PDE4D: variants seen among roughly 807,000 people sequenced by gnomAD.
The protein encoded by PDE4D is 3',5'-cyclic-AMP phosphodiesterase 4D.
In PDE4D, 24 loss-of-function variants were observed where a neutral mutation model predicts 87.4. The observed-to-expected ratio is 0.27, with a 90% CI of 0.20 to 0.39. The LOEUF (loss-of-function observed/expected upper bound fraction) is 0.39. Among genes scored for constraint, PDE4D ranks in the 10% least tolerant of loss-of-function variants. The pLI is 1.00. For synonymous variants in PDE4D, 384 were observed against 383.2 expected (o/e 1.00, Z -0.02); for missense variants, 714 against 1,041.0 (o/e 0.69, Z 4.32).
Position 60,099,450 on chromosome 5 carries a change from C to T in PDE4D, c.42+86107G>A, listed in dbSNP as rs140050630. 5.3e-5 allele frequency among the ~76,000 whole-genome samples: 8 copies of T among 151,256 alleles called. No homozygotes were observed. The East Asian group carries it at 1.4e-3, about 26-fold the overall frequency. On this transcript the variant is annotated intron_variant, in intron 2 of 16. Transcript: ENST00000502484. ...AAACATTTGCATGGTAAAAATTCAC[C>T]ATAAGTTAAGGCAAATGATAAATGT...
In PDE4D at chr5:59,927,667, C is replaced by T. The variant is rs1191758576; in HGVS notation, c.272+60821G>A. 2.0e-5 allele frequency among the ~76,000 whole-genome samples: 3 copies of T among 152,184 alleles called. 1 individual carries two copies. Among genetic ancestry groups the T allele is most frequent in the South Asian group, 4.1e-4 (2 of 4,822 alleles). ...GCAGGTGCTAATTAGTACGAAGGCA[C>T]ATAAATCTAGAGAGGAAGGTAAATG... On this transcript the variant is annotated intron_variant, in intron 3 of 16. Transcript: ENST00000502484.
At chr5:59,613,642 C>G (rs1829281856) in intron 1 of PDE4D, among the ~76,000 whole-genome samples, 1 of 152,130 alleles carries the variant, frequency 6.6e-6, no homozygotes, top group Non-Finnish European at 1.5e-5. Context: ...CCTTGAGACC[C>G]TGGGGAAGAG....
intron 3 of PDE4D, 91 bp downstream of exon 3, chr5:59,193,409 A>AAAATT (rs1201316663): frequency 1.7e-6 from 2 of 1,177,580 alleles, no homozygotes; most frequent in Non-Finnish European, 2.5e-6. Context: ...TGCTTGATTT[A>AAAATT]AAATTAAATT....
intron 2 of PDE4D, among the ~76,000 whole-genome samples, chr5:59,997,423 C>T (rs1763615353): frequency 6.6e-6 from 1 of 152,132 alleles, no homozygotes; most frequent in Non-Finnish European, 1.5e-5. Flanking sequence ...TGTCTTCATT[C>T]TCAAGTTTTA....
chr5:59,428,356 G>A (rs1323292784), intron 1 of PDE4D, among the ~76,000 whole-genome samples: 1 of 151,494 alleles, frequency 6.6e-6, no homozygotes, highest in African/African-American at 2.4e-5. Flanking sequence ...CTGCTTCTTT[G>A]GGTAGGCTGA....
intron 1 of PDE4D, among the ~76,000 whole-genome samples, chr5:59,747,191 C>A (rs1759737623): frequency 6.6e-6 from 1 of 152,150 alleles, no homozygotes; most frequent in Non-Finnish European, 1.5e-5. Context: ...TTCTCTCTTT[C>A]TAGCTCATCC....
At chr5:59,555,951 AATTT>A (rs1347969625) in intron 1 of PDE4D, among the ~76,000 whole-genome samples, 1 of 152,076 alleles carries the variant, frequency 6.6e-6, no homozygotes, top group Non-Finnish European at 1.5e-5. Context: ...TGGTCACCTC[AATTT>A]ATTTGCTGGA....
At chr5:59,737,711 A>G (rs1758270201) in intron 1 of PDE4D, among the ~76,000 whole-genome samples, 2 of 152,098 alleles carry the variant, frequency 1.3e-5, no homozygotes, top group Admixed American at 6.5e-5. Context: ...TGAATGTTTA[A>G]TATTATTTTT....
At chr5:60,107,280 C>T (rs1169342579) in intron 2 of PDE4D, among the ~76,000 whole-genome samples, 1 of 152,046 alleles carries the variant, frequency 6.6e-6, no homozygotes, top group African/African-American at 2.4e-5. Flanking sequence ...AATTCCTGGA[C>T]ACACACACTC....
intron 1 of PDE4D, among the ~76,000 whole-genome samples, chr5:59,771,431 GAAAA>G (rs1169720007): frequency 2.4e-5 from 2 of 82,842 alleles, no homozygotes; most frequent in Admixed American, 2.9e-4. Flanking sequence ...GAAAGAAAAA[GAAAA>G]AGAAAGAAAG....
chr5:60,160,893 A>AT (rs1298815476), intron 2 of PDE4D: 3 of 404,890 alleles, frequency 7.4e-6, no homozygotes, highest in South Asian at 1.8e-5. Context: ...TTTCCATGTC[A>AT]TTTTTTTAAT....
In PDE4D at chr5:59,092,819, T is replaced by TATC. The variant is rs139253823; in HGVS notation, c.809-53851_809-53849dup. Among the ~76,000 whole-genome samples the TATC allele has an allele frequency of 9.3e-3, 1,419 of 152,320 alleles. 25 individuals are homozygous for TATC. Among genetic ancestry groups the TATC allele is most frequent in the African/African-American group, 0.033 (1,355 of 41,574 alleles). Reference sequence around the variant, plus strand: ...TAGTGAGCACGCATTGAGTTTTATTTATCATCATCATCATCTTGCTGTACT... The same window carrying TATC: ...TAGTGAGCACGCATTGAGTTTTATTTATCATCATCATCATCATCTTGCTGTACT... On this transcript the variant is annotated intron_variant, in intron 5 of 14. Transcript: ENST00000340635.
intron 1 of PDE4D, among the ~76,000 whole-genome samples, chr5:59,287,734 G>GAC (rs1554121976): frequency 6.6e-6 from 1 of 151,274 alleles, no homozygotes; most frequent in African/African-American, 2.4e-5. Context: ...GAGAGAGAGA[G>GAC]AGACAGACAG....
At chr5:59,269,892 G>C (rs576936981) in intron 1 of PDE4D, among the ~76,000 whole-genome samples, 22 of 151,802 alleles carry the variant, frequency 1.4e-4, no homozygotes, top group Admixed American at 1.4e-3. Context: ...TGAAATAAAC[G>C]TGTTTAAAAT....
intron 1 of PDE4D, among the ~76,000 whole-genome samples, chr5:59,654,261 G>A (rs1744002319): frequency 6.6e-6 from 1 of 152,174 alleles, no homozygotes. Context: ...GAGGAAGGGA[G>A]AGGGAAGAAT....
At chr5:60,252,911 G>A (rs1748634896) in intron 1 of PDE4D, among the ~76,000 whole-genome samples, 1 of 151,844 alleles carries the variant, frequency 6.6e-6, no homozygotes, top group Non-Finnish European at 1.5e-5. Flanking sequence ...GTGGAATTTT[G>A]ATTCCTACCA....
intron 1 of PDE4D, among the ~76,000 whole-genome samples, chr5:60,390,928 C>G (rs1032226513): frequency 6.6e-6 from 1 of 152,108 alleles, no homozygotes; most frequent in Non-Finnish European, 1.5e-5. Context: ...AGTGAACCTG[C>G]CCTAGAAGCC....
chr5:59,662,690 A>G (rs985234425), intron 1 of PDE4D, among the ~76,000 whole-genome samples: 1 of 152,198 alleles, frequency 6.6e-6, no homozygotes, highest in Non-Finnish European at 1.5e-5. Context: ...AACCACCCTC[A>G]ATGAAAATAA....
intron 1 of PDE4D, among the ~76,000 whole-genome samples, chr5:59,376,717 G>A (rs1406289673): frequency 3.9e-5 from 6 of 152,150 alleles, no homozygotes; most frequent in African/African-American, 1.2e-4. Context: ...AAAAGAGCCC[G>A]AATAGCTAAG....
Sources: gnomAD v4.1 joint callset for allele counts (sites outside exome capture counted in the v4.1 genomes callset) on GRCh38, gnomAD v4.1.1 for gene constraint, MANE v1.5 for transcripts, NCBI Gene and HGNC (gene_info 2026-07-23, HGNC 2026-07-21) for gene names.